ATP2B2: variants seen among roughly 807,000 people sequenced by gnomAD.
ATP2B2 encodes plasma membrane calcium-transporting ATPase 2.
ATP2B2 carries 15 observed loss-of-function variants against 120.0 expected under a neutral mutation model. That is an observed-to-expected ratio of 0.12 (90% CI 0.08 to 0.19). The LOEUF (loss-of-function observed/expected upper bound fraction) is 0.19, where lower values mean the gene tolerates loss of function less well. Ranked by LOEUF, ATP2B2 falls within the 10% of genes least tolerant of loss-of-function variation. The pLI is 1.00. For synonymous variants in ATP2B2, 694 were observed against 700.3 expected, an observed-to-expected ratio of 0.99 and a Z score of 0.14; for missense variants, 1,045 against 1,719.8, an observed-to-expected ratio of 0.61 and a Z score of 6.94.
chr3:10,566,004 ATCTG>A (rs887345995), intron 2 of ATP2B2, among the ~76,000 whole-genome samples: 71 of 152,034 alleles, frequency 4.7e-4, no homozygotes, highest in African/African-American at 1.7e-3. Flanking sequence ...CCACCCATGT[ATCTG>A]TCTGTCTGCC....
At chr3:10,590,389 C>T (rs535100821) in intron 2 of ATP2B2, among the ~76,000 whole-genome samples, 25 of 152,278 alleles carry the variant, frequency 1.6e-4, no homozygotes, top group East Asian at 3.9e-4. Flanking sequence ...CAGACCTGTA[C>T]GCTAAAAGTA....
At chr3:10,684,979 G>A (rs1470138256) in intron 1 of ATP2B2, among the ~76,000 whole-genome samples, 1 of 152,188 alleles carries the variant, frequency 6.6e-6, no homozygotes, top group African/African-American at 2.4e-5. Context: ...GGGAGAAGAT[G>A]AATGTTCACA....
intron 1 of ATP2B2, among the ~76,000 whole-genome samples, chr3:10,681,726 GC>G (rs2071388774): frequency 6.6e-6 from 1 of 152,122 alleles, no homozygotes; most frequent in Non-Finnish European, 1.5e-5. Flanking sequence ...TTATTATTAG[GC>G]CCATTTAACA....
chr3:10,501,078 C>T (rs547607967), intron 1 of ATP2B2, among the ~76,000 whole-genome samples: 1 of 152,330 alleles, frequency 6.6e-6, no homozygotes, highest in Admixed American at 6.5e-5. Context: ...TCCCCCATAC[C>T]CAGGGACCTC....
At chr3:10,464,242 C>T (rs1271540959) in intron 1 of ATP2B2, among the ~76,000 whole-genome samples, 4 of 152,142 alleles carry the variant, frequency 2.6e-5, no homozygotes, top group Admixed American at 2.6e-4. Context: ...CAGCCGAGTC[C>T]TCGCGACAGA....
upstream of ATP2B2, among the ~76,000 whole-genome samples, chr3:10,507,957 C>T (rs901694295): frequency 1.7e-5 from 2 of 116,888 alleles, no homozygotes; most frequent in Non-Finnish European, 3.9e-5. Flanking sequence ...TGTGGGCTCA[C>T]TGGGAGCCCT....
At chr3:10,622,742 A>T (rs919089227) in intron 1 of ATP2B2, among the ~76,000 whole-genome samples, 1 of 152,230 alleles carries the variant, frequency 6.6e-6, no homozygotes, top group African/African-American at 2.4e-5. Context: ...GGGGCCTTGC[A>T]GAGGCTTTAA....
intron 1 of ATP2B2, among the ~76,000 whole-genome samples, chr3:10,497,153 C>T (rs1318855971): frequency 6.6e-6 from 1 of 152,236 alleles, no homozygotes; most frequent in Non-Finnish European, 1.5e-5. Context: ...GAAACGACTT[C>T]TAATGAGGGC....
chr3:10,392,085 T>C (rs1044962723), intron 5 of ATP2B2, among the ~76,000 whole-genome samples: 2 of 152,120 alleles, frequency 1.3e-5, no homozygotes, highest in African/African-American at 2.4e-5. Flanking sequence ...ACCTGAAGTC[T>C]CCTCTGGGGG....
intron 3 of ATP2B2, among the ~76,000 whole-genome samples, chr3:10,516,397 A>T (rs1387080012): frequency 2.0e-5 from 3 of 152,174 alleles, no homozygotes; most frequent in African/African-American, 7.2e-5. Flanking sequence ...GCATTGTCCT[A>T]AAAAACTGTT....
At chr3:10,332,748 C>G (rs2060015400) in intron 22 of ATP2B2, among the ~76,000 whole-genome samples, 1 of 152,122 alleles carries the variant, frequency 6.6e-6, no homozygotes, top group Non-Finnish European at 1.5e-5. Flanking sequence ...TGACCTCTTG[C>G]CACGCCCTTG....
intron 2 of ATP2B2, among the ~76,000 whole-genome samples, chr3:10,596,155 C>A (rs951946026): frequency 6.6e-6 from 1 of 152,186 alleles, no homozygotes; most frequent in African/African-American, 2.4e-5. Flanking sequence ...TCCTTCCCAG[C>A]ACAGACGCCT....
At chr3:10,657,472 G>C (rs1020027966) in intron 1 of ATP2B2, among the ~76,000 whole-genome samples, 1 of 152,226 alleles carries the variant, frequency 6.6e-6, no homozygotes, top group Non-Finnish European at 1.5e-5. Flanking sequence ...GCATGCCTCA[G>C]CTACCACCAG....
intron 2 of ATP2B2, among the ~76,000 whole-genome samples, chr3:10,414,229 T>C (rs2062708466): frequency 6.6e-6 from 1 of 152,200 alleles, no homozygotes; most frequent in Non-Finnish European, 1.5e-5. Context: ...TCTCTGAACC[T>C]TCTGAGTTCT....
At position 10,327,992 on chromosome 3, in the gene ATP2B2, A is replaced by G. The variant is rs2125315903; in HGVS notation, c.*822T>C. The G allele has an allele frequency of 6.5e-6, 1 of 152,734 alleles. No homozygotes were observed. Among genetic ancestry groups the G allele is most frequent in the East Asian group, 1.9e-4 (1 of 5,184 alleles). 9.5% of individuals were successfully genotyped at this position (152,734 alleles called of 1,614,324 possible). ...TCTTAAACCATACAAATAGCCAAAG[A>G]CGTTATCTACAGGTTTGTAAACAAA... is the stretch of plus-strand genomic sequence containing the variant. On this transcript the variant is annotated 3_prime_UTR_variant, in exon 23 of 23. Transcript: ENST00000360273.
At chr3:10,663,601 G>T (rs942960003) in intron 1 of ATP2B2, among the ~76,000 whole-genome samples, 1 of 152,166 alleles carries the variant, frequency 6.6e-6, no homozygotes, top group Non-Finnish European at 1.5e-5. Flanking sequence ...GTTCTCTGCA[G>T]GTACTGCCAA....
chr3:10,573,526 A>G (rs1475341087), intron 2 of ATP2B2, among the ~76,000 whole-genome samples: 6 of 152,138 alleles, frequency 3.9e-5, no homozygotes, highest in Admixed American at 1.3e-4. Context: ...ATTTTGGTCA[A>G]TTTCAGATTT....
chr3:10,501,011 C>T (rs1403824201), intron 1 of ATP2B2, among the ~76,000 whole-genome samples: 2 of 152,168 alleles, frequency 1.3e-5, no homozygotes, highest in Admixed American at 6.5e-5. Flanking sequence ...CAAGGTCACT[C>T]GCCAGTGATG....
chr3:10,547,458 G>A (rs17033060), intron 2 of ATP2B2, among the ~76,000 whole-genome samples: 6,697 of 152,200 alleles, frequency 0.044, 188 homozygotes, highest in East Asian at 0.13. Context: ...AGAGGAAGTC[G>A]CTGGCCCACG....
Sources: gnomAD v4.1 joint callset for allele counts (sites outside exome capture counted in the v4.1 genomes callset) on GRCh38, gnomAD v4.1.1 for gene constraint, MANE v1.5 for transcripts, NCBI Gene and HGNC (gene_info 2026-07-23, HGNC 2026-07-21) for gene names.